Variants in BCL2 observed in about 807,000 individuals in gnomAD.
The protein encoded by BCL2 is BCL2 apoptosis regulator.
A neutral mutation model predicts 14.2 loss-of-function variants in BCL2; 1 was observed. The observed-to-expected ratio is 0.07, with a 90% confidence interval of 0.02 to 0.33. The LOEUF (loss-of-function observed/expected upper bound fraction) is 0.33, where lower values mean the gene tolerates loss of function less well. Ranked by LOEUF, BCL2 falls within the 10% of genes least tolerant of loss-of-function variation. The pLI, the probability that BCL2 is intolerant of heterozygous loss-of-function variation, is 0.99. For missense variants in BCL2, 247 were observed against 305.9 expected (o/e 0.81, Z 1.44); for synonymous variants, 151 against 137.2 (o/e 1.10, Z -0.70).
intron 2 of BCL2, among the ~76,000 whole-genome samples, chr18:63,270,793 A>C (rs1911982090): frequency 6.6e-6 from 1 of 152,114 alleles, no homozygotes; most frequent in African/African-American, 2.4e-5. Context: ...ATACATACTC[A>C]TATGTATTAT....
At chr18:63,160,331 G>T (rs1033575405) in intron 2 of BCL2, among the ~76,000 whole-genome samples, 1 of 152,200 alleles carries the variant, frequency 6.6e-6, no homozygotes, top group Non-Finnish European at 1.5e-5. Context: ...CGACAGGCAC[G>T]TGGGCCCCTC....
rs1913943003 is a variant in BCL2, at chr18:63,127,538, CCAGA to C, written c.*1083_*1086del. 1 of 231,466 alleles carries C rather than the reference CCAGA, an allele frequency of 4.3e-6. No individual in the cohort carries two copies. Among genetic ancestry groups the C allele is most frequent in the Non-Finnish European group, 8.6e-6 (1 of 116,932 alleles). 14.3% of individuals were successfully genotyped at this position (231,466 alleles called of 1,614,324 possible). ...GTGGAATTCTGAGCTCCATCAGCTT[CCAGA>C]CATTCGGAGACCACACTGCCCTGTT... On this transcript the variant is annotated 3_prime_UTR_variant, in exon 3 of 3. Coordinates refer to ENST00000333681, the MANE Select transcript of BCL2 (RefSeq NM_000633.3).
At chr18:63,220,100 C>A (rs905177552) in intron 2 of BCL2, among the ~76,000 whole-genome samples, 3 of 152,148 alleles carry the variant, frequency 2.0e-5, no homozygotes, top group African/African-American at 4.8e-5. Flanking sequence ...ATGGAAGTAG[C>A]TGAAAAAACA....
chr18:63,147,820 G>A (rs1429275668), intron 2 of BCL2, among the ~76,000 whole-genome samples: 1 of 152,140 alleles, frequency 6.6e-6, no homozygotes, highest in Non-Finnish European at 1.5e-5. Context: ...AACCAAAGGA[G>A]TTTATGGTTT....
chr18:63,234,460 T>C (rs1280821138), intron 2 of BCL2, among the ~76,000 whole-genome samples: 1 of 152,206 alleles, frequency 6.6e-6, no homozygotes, highest in South Asian at 2.1e-4. Context: ...ATGGTGTATA[T>C]GTATCACATT....
intron 2 of BCL2, among the ~76,000 whole-genome samples, chr18:63,205,944 A>C (rs965323170): frequency 6.6e-6 from 1 of 152,224 alleles, no homozygotes; most frequent in African/African-American, 2.4e-5. Context: ...AGAGGAGACC[A>C]CAGGCTTTCC....
At chr18:63,223,085 G>A (rs571350411) in intron 2 of BCL2, among the ~76,000 whole-genome samples, 7 of 152,306 alleles carry the variant, frequency 4.6e-5, no homozygotes, top group South Asian at 2.1e-4. Context: ...GGAACTGTGC[G>A]GAAGGGAGAT....
intron 2 of BCL2, among the ~76,000 whole-genome samples, chr18:63,224,485 C>T (rs926990291): frequency 6.6e-6 from 1 of 152,132 alleles, no homozygotes; most frequent in Non-Finnish European, 1.5e-5. Context: ...TGGGAGATTG[C>T]GTGCAATAAA....
At position 63,309,168 on chromosome 18, in the gene BCL2, G is replaced by A. The variant is rs114936463; in HGVS notation, c.585+8914C>T. Among the ~76,000 whole-genome samples, 739 of 152,288 alleles carry A rather than the reference G, an allele frequency of 4.9e-3. 10 individuals are homozygous for A. The highest frequency in any genetic ancestry group is 0.017 in the African/African-American group (702 of 41,554). On this transcript the variant is annotated intron_variant, in intron 2 of 2. Coordinates refer to ENST00000333681, the MANE Select transcript of BCL2 (RefSeq NM_000633.3). ...GTCTACAGATTACCTTTGGGAAAAG[G>A]TGGGGTGCAAACAACAGTCGCAAAC...
intron 2 of BCL2, among the ~76,000 whole-genome samples, chr18:63,246,592 C>T (rs900697516): frequency 6.6e-5 from 10 of 152,234 alleles, no homozygotes; most frequent in Admixed American, 3.3e-4. Flanking sequence ...ACATCCTACC[C>T]GCTCCCTCCC....
At chr18:63,256,599 C>G (rs1446529312) in intron 2 of BCL2, among the ~76,000 whole-genome samples, 4 of 152,282 alleles carry the variant, frequency 2.6e-5, no homozygotes, top group African/African-American at 7.2e-5. Context: ...CTGTATGTAT[C>G]TACTTAAATT....
At chr18:63,272,966 C>T (rs1050859005) in intron 2 of BCL2, among the ~76,000 whole-genome samples, 11 of 148,336 alleles carry the variant, frequency 7.4e-5, no homozygotes, top group African/African-American at 2.8e-4. Flanking sequence ...AGTCCATTCA[C>T]ATTATAGCTT....
intron 2 of BCL2, among the ~76,000 whole-genome samples, chr18:63,286,775 T>C (rs1004815574): frequency 6.6e-6 from 1 of 152,100 alleles, no homozygotes; most frequent in African/African-American, 2.4e-5. Flanking sequence ...GAGTCCTTGG[T>C]GCCCAATCTC....
In BCL2 at chr18:63,318,527, C is replaced by T. The variant is rs1448547701; in HGVS notation, c.140G>A (p.Gly47Asp). 6.3e-7 allele frequency: 1 copy of T among 1,575,046 alleles called. No individual in the cohort carries two copies. The part of the protein sequence containing the change: ...AAPPGAAPAP[G>D]IFSSQPGHTP... ...GTGCCCGGGCTGGGAGGAGAAGATG[C>T]CCGGTGCGGGGGCGGCCCCCGGGGG... The change falls in exon 2 of 3, where the codon GGC (glycine) becomes GAC (aspartate). Residue 47 changes from glycine to aspartate, a missense_variant. By Grantham distance (94) the Gly-to-Asp change is moderately conservative (BLOSUM62 -1). Transcript: ENST00000333681. The surrounding 1 kb of genome is among the most constrained non-coding windows in gnomAD (Gnocchi z 7.4).
intron 2 of BCL2, among the ~76,000 whole-genome samples, chr18:63,209,865 G>C (rs1024404033): frequency 6.6e-6 from 1 of 152,150 alleles, no homozygotes; most frequent in Non-Finnish European, 1.5e-5. Context: ...GAATCAGGCC[G>C]TTTAACAGGA....
At chr18:63,177,347 T>C (rs1915374138) in intron 2 of BCL2, among the ~76,000 whole-genome samples, 1 of 152,212 alleles carries the variant, frequency 6.6e-6, no homozygotes, top group Non-Finnish European at 1.5e-5. Context: ...CAAAATTCAC[T>C]TCTACCAAGG....
At chr18:63,263,798 C>T (rs140078729) in intron 2 of BCL2, among the ~76,000 whole-genome samples, 127 of 152,246 alleles carry the variant, frequency 8.3e-4, no homozygotes, top group African/African-American at 2.9e-3. Context: ...CCCATACAAT[C>T]GGAATAATGG....
rs2144323340 is a variant in BCL2 at position 63,318,361 on chromosome 18, G to C, written c.306C>G (p.Asp102Glu). 1 of 1,607,570 alleles carries C rather than the reference G, an allele frequency of 6.2e-7. No individual in the cohort carries two copies. Among genetic ancestry groups the C allele is most frequent in the East Asian group, 2.2e-5 (1 of 44,794 alleles). The change falls in exon 2 of 3, where the codon GAC becomes GAG. Residue 102 changes from aspartate (D) to glutamate (E), a missense_variant. Asp to Glu is a conservative substitution (Grantham distance 45, BLOSUM62 2). This residue lies in a region of BCL2 where 67 missense variants were observed against 145.7 expected (regional missense o/e 0.46). Transcript: ENST00000333681. This position sits in a 1 kb window ranked among gnomAD's most constrained non-coding sequence, Gnocchi z 7.4. The part of the protein sequence containing the change: ...VVHLTLRQAG[D>E]DFSRRYRRDF... The stretch of plus-strand genomic sequence containing the variant: ...CGCGGCGGTAGCGGCGGGAGAAGTC[G>C]TCGCCGGCCTGGCGGAGGGTCAGGT...
chr18:63,313,443 A>C (rs1406368353), intron 2 of BCL2, among the ~76,000 whole-genome samples: 1 of 152,202 alleles, frequency 6.6e-6, no homozygotes, highest in African/African-American at 2.4e-5. Flanking sequence ...AGAAAGGATG[A>C]CCAGATTGAC....
Sources: gnomAD v4.1 joint callset for allele counts (sites outside exome capture counted in the v4.1 genomes callset) on GRCh38, gnomAD v4.1.1 for gene constraint, gnomAD v4.1.1 regional missense constraint, Gnocchi (gnomAD v3.1) non-coding constraint, MANE v1.5 for transcripts, NCBI Gene and HGNC (gene_info 2026-07-23, HGNC 2026-07-21) for gene names.